The following PRKAR1B variants were observed in gnomAD, a reference collection of about 807,000 sequenced individuals.
The protein encoded by PRKAR1B is protein kinase cAMP-dependent type I regulatory subunit beta.
A neutral mutation model predicts 46.5 loss-of-function variants in PRKAR1B; 22 were observed. The observed-to-expected ratio is 0.47, with a 90% CI of 0.34 to 0.68. The LOEUF is 0.68. Ranked by LOEUF, PRKAR1B falls within the 30% of genes least tolerant of loss-of-function variation. The probability of loss-of-function intolerance (pLI) is 0.01; values close to 1 mark genes in which losing one functional copy is unlikely to be tolerated. For missense variants in PRKAR1B, 445 were observed against 535.6 expected, an observed-to-expected ratio of 0.83 and a Z score of 1.67; for synonymous variants, 259 against 217.7, an observed-to-expected ratio of 1.19 and a Z score of -1.67.
At chr7:682,671 G>A (rs115817990) in intron 2 of PRKAR1B, among the ~76,000 whole-genome samples, 32 of 152,100 alleles carry the variant, frequency 2.1e-4, no homozygotes, top group African/African-American at 7.5e-4. Context: ...CGTGAACCCG[G>A]GAGTGAGCTT....
chr7:712,630 C>G (rs1780718751), intron 1 of PRKAR1B: 1 of 118,966 alleles, frequency 8.4e-6, no homozygotes, highest in Admixed American at 7.9e-5. Flanking sequence ...CAACCCCGGC[C>G]CCCACCCCCG....
chr7:679,904 A>G (rs1778561095), intron 3 of PRKAR1B, among the ~76,000 whole-genome samples: 1 of 152,114 alleles, frequency 6.6e-6, no homozygotes, highest in Admixed American at 6.5e-5. Context: ...CACGCCCGTA[A>G]CCCCAGCACT....
intron 4 of PRKAR1B, among the ~76,000 whole-genome samples, chr7:615,956 T>TA (rs956587776): frequency 1.1e-5 from 1 of 92,026 alleles, no homozygotes; most frequent in Non-Finnish European, 2.4e-5. Context: ...GAAAGAAAAA[T>TA]AAAAAAAGAA....
intron 4 of PRKAR1B, among the ~76,000 whole-genome samples, chr7:650,181 G>A (rs369648749): frequency 6.6e-6 from 1 of 152,124 alleles, no homozygotes; most frequent in African/African-American, 2.4e-5. Context: ...AATCTGTGCA[G>A]GCAGGACCCA....
At chr7:584,390 C>A in intron 8 of PRKAR1B, 118 bp downstream of exon 8, 1 of 824,854 alleles carries the variant, frequency 1.2e-6, no homozygotes, top group East Asian at 2.6e-5. Flanking sequence ...CACCCCAAAC[C>A]TCCATAATAC....
intron 4 of PRKAR1B, among the ~76,000 whole-genome samples, chr7:628,786 G>A (rs913444728): frequency 1.3e-5 from 2 of 149,036 alleles, no homozygotes; most frequent in Admixed American, 1.3e-4. Context: ...TCCCTCCCTC[G>A]CCTTTTCCAA....
At chr7:647,805 CAA>C (rs769761277) in intron 4 of PRKAR1B, among the ~76,000 whole-genome samples, 19 of 17,882 alleles carry the variant, frequency 1.1e-3, no homozygotes, top group African/African-American at 1.8e-3. Flanking sequence ...ACTTCGTCTC[CAA>C]AAAAAAAAAA....
upstream of PRKAR1B, among the ~76,000 whole-genome samples, chr7:728,735 G>A (rs565483383): frequency 6.6e-6 from 1 of 152,320 alleles, no homozygotes; most frequent in Admixed American, 6.5e-5. Context: ...AGCGCAGCCT[G>A]CTGGGGTATG....
In PRKAR1B at chr7:711,617, C is replaced by A. The variant is rs1780636182; in HGVS notation, c.-22-90G>T. On this transcript the variant is annotated intron_variant, in intron 1 of 10. Transcript: ENST00000537384. The stretch of plus-strand genomic sequence containing the variant: ...CAGGCGGCGTGAACCAGGCTTCTCC[C>A]AGGAGCGTGGAAGAAAGTCACTGAT... The A allele has an allele frequency of 6.8e-6, 8 of 1,178,238 alleles. No homozygotes were observed. In the South Asian group the frequency reaches 1.2e-4, roughly 17 times the overall value. The allele number at this position is 1,178,238 out of a possible 1,614,324, so 73.0% of individuals were successfully genotyped here. A position where few individuals can be genotyped will look rare whatever the true frequency, so the allele number is the denominator to read the frequency against.
chr7:630,592 T>C (rs576558786), intron 4 of PRKAR1B, among the ~76,000 whole-genome samples: 3 of 152,330 alleles, frequency 2.0e-5, no homozygotes, highest in South Asian at 4.1e-4. Context: ...TGAAGAGACA[T>C]AGCTTTCCAA....
rs1248673844 is a variant in PRKAR1B at position 580,120 on chromosome 7, C to T, written c.770-743G>A. Among the ~76,000 whole-genome samples, 3 of 151,652 alleles carry T rather than the reference C, an allele frequency of 2.0e-5. No homozygotes were observed. The East Asian group carries it at 5.8e-4, about 30-fold the overall frequency. Reference sequence around the variant, plus strand: ...GTGGTGTACACCTGTGGTCCCAGCTCCTCAGGAGGATGAGGCAAAAGGATC... The same window carrying T: ...GTGGTGTACACCTGTGGTCCCAGCTTCTCAGGAGGATGAGGCAAAAGGATC... On this transcript the variant is annotated intron_variant, in intron 8 of 10. Transcript: ENST00000537384.
At chr7:591,962 C>G (rs749131791) in intron 7 of PRKAR1B, among the ~76,000 whole-genome samples, 4 of 152,254 alleles carry the variant, frequency 2.6e-5, no homozygotes, top group Non-Finnish European at 5.9e-5. Context: ...AGTCTGAAGG[C>G]ACCGCTGTGG....
chr7:623,801 A>C (rs1451483251), intron 4 of PRKAR1B, among the ~76,000 whole-genome samples: 1 of 152,212 alleles, frequency 6.6e-6, no homozygotes, highest in Non-Finnish European at 1.5e-5. Flanking sequence ...CACGTCACTG[A>C]ATAACGTTTT....
In PRKAR1B at chr7:593,416, G is replaced by A. The variant is rs969480670; in HGVS notation, c.708+2730C>T. Among the ~76,000 whole-genome samples, 4 of 152,198 alleles carry A rather than the reference G, an allele frequency of 2.6e-5. No individual in the cohort carries two copies. Among genetic ancestry groups the A allele is most frequent in the Admixed American group, 6.5e-5 (1 of 15,284 alleles). On this transcript the variant is annotated intron_variant, in intron 7 of 10. Coordinates refer to ENST00000537384, the MANE Select transcript of PRKAR1B (RefSeq NM_001164760.2). The surrounding 1 kb of genome is among the most constrained non-coding windows in gnomAD (Gnocchi z 6.1). ...GCTCCCGTCCAAACCAGCCCGGCGCGGCCAGCTATTCTTAGCGCACAGGGA... is the reference window on the plus strand; with the variant it reads ...GCTCCCGTCCAAACCAGCCCGGCGCAGCCAGCTATTCTTAGCGCACAGGGA...
intron 4 of PRKAR1B, among the ~76,000 whole-genome samples, chr7:637,836 A>AAAAT (rs146310639): frequency 0.11 from 16,874 of 151,874 alleles, 1,049 homozygotes; most frequent in South Asian, 0.24. Context: ...TCCATCTAAA[A>AAAAT]AAATAAATAA....
At chr7:585,771 C>T (rs113671839) in intron 7 of PRKAR1B, among the ~76,000 whole-genome samples, 6,846 of 152,148 alleles carry the variant, frequency 0.045, 459 homozygotes, top group African/African-American at 0.14. Context: ...GGCTGAGTGA[C>T]CACCCTAGAT....
At chr7:582,079 C>T (rs1277355585) in intron 8 of PRKAR1B, among the ~76,000 whole-genome samples, 1 of 152,224 alleles carries the variant, frequency 6.6e-6, no homozygotes, top group Non-Finnish European at 1.5e-5. Context: ...GCAGAATAAA[C>T]GCAGTCACGT....
chr7:631,991 T>TC (rs1186544132), intron 4 of PRKAR1B, among the ~76,000 whole-genome samples: 5 of 150,092 alleles, frequency 3.3e-5, no homozygotes, highest in African/African-American at 1.2e-4. Flanking sequence ...GCACCTTGTG[T>TC]CCCGATCTAG....
intron 2 of PRKAR1B, among the ~76,000 whole-genome samples, chr7:707,374 C>T (rs894936087): frequency 1.3e-5 from 2 of 152,146 alleles, no homozygotes; most frequent in Admixed American, 6.5e-5. Flanking sequence ...ACATTATTGT[C>T]GGCAACCCTT....
Sources: allele counts gnomAD v4.1 joint callset (sites outside exome capture counted in the v4.1 genomes callset), GRCh38; gene constraint gnomAD v4.1.1; non-coding constraint Gnocchi (gnomAD v3.1); transcripts MANE v1.5; gene names NCBI Gene and HGNC (gene_info 2026-07-23, HGNC 2026-07-21).